CPNE4: variants seen among roughly 807,000 people sequenced by gnomAD.
CPNE4 encodes the protein copine 4.
A neutral mutation model predicts 67.9 loss-of-function variants in CPNE4; 25 were observed. The observed-to-expected ratio is 0.37, with a 90% CI of 0.27 to 0.51. CPNE4 has a LOEUF of 0.51. Ranked by LOEUF, CPNE4 falls within the 20% of genes least tolerant of loss-of-function variation. The probability of loss-of-function intolerance (pLI) is 0.93; values close to 1 mark genes in which losing one functional copy is unlikely to be tolerated. For synonymous variants in CPNE4, 242 were observed against 244.9 expected, an observed-to-expected ratio of 0.99 and a Z score of 0.11; for missense variants, 464 against 690.8, an observed-to-expected ratio of 0.67 and a Z score of 3.68.
intron 6 of CPNE4, among the ~76,000 whole-genome samples, chr3:131,681,783 T>C (rs1463932789): frequency 6.6e-6 from 1 of 152,138 alleles, no homozygotes; most frequent in Non-Finnish European, 1.5e-5. Context: ...TTGAGGCTAT[T>C]TTCCTGATCT....
intron 3 of CPNE4, among the ~76,000 whole-genome samples, chr3:131,700,818 A>G (rs2081279393): frequency 6.6e-6 from 1 of 152,080 alleles, no homozygotes; most frequent in African/African-American, 2.4e-5. Context: ...GGCACTATTC[A>G]CAATAGCAAA....
chr3:131,701,277 C>T (rs2081294083), intron 3 of CPNE4, among the ~76,000 whole-genome samples: 1 of 152,030 alleles, frequency 6.6e-6, no homozygotes. Flanking sequence ...TGAAGCTACA[C>T]TCATGCTTAG....
At chr3:131,585,729 A>G (rs1265677807) in intron 8 of CPNE4, among the ~76,000 whole-genome samples, 2 of 152,196 alleles carry the variant, frequency 1.3e-5, no homozygotes, top group Non-Finnish European at 2.9e-5. Flanking sequence ...TTGATTTAGC[A>G]GCTAAATAGG....
chr3:131,799,921 G>GTGT (rs1560339365), intron 2 of CPNE4, among the ~76,000 whole-genome samples: 72 of 21,014 alleles, frequency 3.4e-3, no homozygotes, highest in African/African-American at 9.8e-3. Flanking sequence ...TGTGTGTGTT[G>GTGT]TGTGTGTGTG....
chr3:131,667,720 C>G (rs1467977817), intron 7 of CPNE4, among the ~76,000 whole-genome samples: 1 of 151,424 alleles, frequency 6.6e-6, no homozygotes, highest in Non-Finnish European at 1.5e-5. Context: ...ATTTCCTTAC[C>G]TCCTACTTAT....
Position 131,533,596 on chromosome 3 carries a change from A to C in CPNE4, c.*1599T>G, listed in dbSNP as rs1934992598. 1 of 152,230 alleles carries C rather than the reference A, an allele frequency of 6.6e-6. No individual in the cohort carries two copies. The highest frequency in any genetic ancestry group is 1.5e-5 in the Non-Finnish European group (1 of 68,042). 9.4% of individuals were successfully genotyped at this position (152,230 alleles called of 1,614,324 possible). A position where few individuals can be genotyped will look rare whatever the true frequency, so the allele number is the denominator to read the frequency against. The stretch of plus-strand genomic sequence containing the variant: ...CTGTAAGTACCCAATTTATTAATAA[A>C]ACAATATAGCTTAAATATTTATGAT... On this transcript the variant is annotated 3_prime_UTR_variant, in exon 16 of 16. Transcript: ENST00000429747.
intron 2 of CPNE4, among the ~76,000 whole-genome samples, chr3:131,856,650 T>G (rs1448640367): frequency 6.6e-6 from 1 of 151,990 alleles, no homozygotes; most frequent in African/African-American, 2.4e-5. Flanking sequence ...TGAGAAATGA[T>G]GGAACCTTAG....
intron 2 of CPNE4, among the ~76,000 whole-genome samples, chr3:131,762,612 A>C (rs2082916375): frequency 6.6e-6 from 1 of 152,130 alleles, no homozygotes; most frequent in Admixed American, 6.6e-5. Flanking sequence ...TATCTGACTG[A>C]GCTGAAAAAG....
At chr3:132,035,967 G>A (rs987379230), upstream of CPNE4, among the ~76,000 whole-genome samples, 1 of 152,134 alleles carries the variant, frequency 6.6e-6, no homozygotes, top group Admixed American at 6.5e-5. Flanking sequence ...GGAGATATTA[G>A]CCAAAATCTT....
intron 1 of CPNE4, among the ~76,000 whole-genome samples, chr3:131,945,089 C>A (rs533916355): frequency 5.2e-4 from 79 of 152,226 alleles, no homozygotes; most frequent in African/African-American, 1.9e-3. Context: ...GCCATGTGGC[C>A]TTCAGGAAGG....
At chr3:131,895,922 C>G (rs954132571) in intron 2 of CPNE4, among the ~76,000 whole-genome samples, 4 of 151,866 alleles carry the variant, frequency 2.6e-5, no homozygotes, top group Non-Finnish European at 5.9e-5. Flanking sequence ...ATTTCAATGG[C>G]TAAAAAACTT....
chr3:132,027,333 A>T (rs2074134325), intron 1 of CPNE4, among the ~76,000 whole-genome samples: 1 of 152,136 alleles, frequency 6.6e-6, no homozygotes, highest in South Asian at 2.1e-4. Flanking sequence ...CTTTTTTCTT[A>T]TCTGGAAAAT....
chr3:132,024,849 C>A (rs535653870), intron 1 of CPNE4, among the ~76,000 whole-genome samples: 1 of 152,170 alleles, frequency 6.6e-6, no homozygotes, highest in Non-Finnish European at 1.5e-5. Context: ...AATGCCAGAT[C>A]CCTTTCTTTA....
chr3:131,907,037 G>C (rs1169254253), intron 1 of CPNE4, among the ~76,000 whole-genome samples: 1 of 152,000 alleles, frequency 6.6e-6, no homozygotes, highest in South Asian at 2.1e-4. Context: ...CCATCAAAAA[G>C]GGGGGGAAGG....
intron 2 of CPNE4, among the ~76,000 whole-genome samples, chr3:131,732,953 A>G (rs2082160461): frequency 6.6e-6 from 1 of 152,168 alleles, no homozygotes; most frequent in Non-Finnish European, 1.5e-5. Context: ...TCCCAATGTT[A>G]CTCAACAATG....
intron 2 of CPNE4, among the ~76,000 whole-genome samples, chr3:131,894,467 C>T (rs1053256940): frequency 6.6e-6 from 1 of 151,594 alleles, no homozygotes; most frequent in Non-Finnish European, 1.5e-5. Flanking sequence ...ATTTGCAAAC[C>T]AGACACCTAA....
intron 2 of CPNE4, among the ~76,000 whole-genome samples, chr3:131,772,394 T>A (rs181144290): frequency 6.6e-6 from 1 of 152,148 alleles, no homozygotes; most frequent in African/African-American, 2.4e-5. Context: ...AATGTGATGA[T>A]AGAAAACCTC....
chr3:131,747,112 AATC>A (rs1256091195), intron 2 of CPNE4, among the ~76,000 whole-genome samples: 4 of 90,144 alleles, frequency 4.4e-5, no homozygotes, highest in Non-Finnish European at 8.7e-5. Flanking sequence ...TCTGTTTTAA[AATC>A]ATGTTTTTTT....
chr3:131,668,963 A>G (rs921122037), intron 7 of CPNE4, among the ~76,000 whole-genome samples: 2 of 152,088 alleles, frequency 1.3e-5, no homozygotes, highest in Non-Finnish European at 2.9e-5. Context: ...TAAATCTGTA[A>G]TGACCATGTG....
Sources: gnomAD v4.1 joint callset for allele counts (sites outside exome capture counted in the v4.1 genomes callset) on GRCh38, gnomAD v4.1.1 for gene constraint, MANE v1.5 for transcripts, NCBI Gene and HGNC (gene_info 2026-07-23, HGNC 2026-07-21) for gene names.